Variants in MCUB observed in about 807,000 individuals in gnomAD.
The protein encoded by MCUB is mitochondrial calcium uniporter dominant negative subunit beta.
MCUB carries 46 observed loss-of-function variants against 41.4 expected under a neutral mutation model. That is an observed-to-expected ratio of 1.11 (90% confidence interval 0.88 to 1.42). MCUB has a LOEUF of 1.42. Among genes scored for constraint, MCUB ranks in the 40% most tolerant of loss-of-function variants. MCUB has a pLI of 0.00. For missense variants in MCUB, 403 were observed against 404.9 expected (o/e 1.00, Z 0.04); for synonymous variants, 148 against 148.2 (o/e 1.00, Z 0.01).
In MCUB at chr4:109,619,865, A is replaced by G. The variant is rs115203501; in HGVS notation, c.100-39146A>G. Among the ~76,000 whole-genome samples the G allele has an allele frequency of 1.2e-3, 181 of 152,320 alleles. 1 individual carries two copies. The highest frequency in any genetic ancestry group is 3.9e-3 in the African/African-American group (162 of 41,568). ...CTTTACACAAGCCTGCTCATCTTTA[A>G]TGCTGTGTCAGCCTTGTGAAGTAGG... On this transcript the variant is annotated intron_variant, in intron 1 of 7. Transcript: ENST00000394650.
intron 1 of MCUB, among the ~76,000 whole-genome samples, chr4:109,632,967 T>G (rs1728508223): frequency 6.6e-6 from 1 of 152,174 alleles, no homozygotes; most frequent in Non-Finnish European, 1.5e-5. Flanking sequence ...CAGGGTGGAA[T>G]GGCCAAGTGA....
rs138129272 is a variant in MCUB at position 109,606,906 on chromosome 4, C to T, written c.99+46470C>T. Among the ~76,000 whole-genome samples, 889 of 152,090 alleles carry T rather than the reference C, an allele frequency of 5.8e-3. 29 individuals are homozygous for T. In the South Asian group the frequency reaches 0.073, roughly 12 times the overall value. The stretch of plus-strand genomic sequence containing the variant: ...GGATTACAGGCACCTGCCACCACGC[C>T]CAGCTAATTTTTGTATTTTTAGTAG... On this transcript the variant is annotated intron_variant, in intron 1 of 7. Coordinates refer to ENST00000394650, the MANE Select transcript of MCUB (RefSeq NM_017918.5).
chr4:109,679,911 C>T (rs1296313476), intron 4 of MCUB, among the ~76,000 whole-genome samples: 1 of 152,110 alleles, frequency 6.6e-6, no homozygotes, highest in Non-Finnish European at 1.5e-5. Flanking sequence ...AAGCAATTCT[C>T]CTGCCTCAGC....
chr4:109,623,569 G>A (rs149528325), intron 1 of MCUB, among the ~76,000 whole-genome samples: 17 of 152,256 alleles, frequency 1.1e-4, no homozygotes, highest in African/African-American at 3.9e-4. Flanking sequence ...AAATAAAATA[G>A]GGTTGCTCTG....
At chr4:109,578,422 G>A (rs1024196537) in intron 1 of MCUB, among the ~76,000 whole-genome samples, 2 of 151,938 alleles carry the variant, frequency 1.3e-5, no homozygotes, top group Non-Finnish European at 2.9e-5. Flanking sequence ...GAAAGGTTAA[G>A]TAAATGTTTC....
intron 1 of MCUB, among the ~76,000 whole-genome samples, chr4:109,598,492 A>G (rs918560098): frequency 1.3e-5 from 2 of 151,988 alleles, no homozygotes; most frequent in East Asian, 1.9e-4. Flanking sequence ...GGCACTCGGC[A>G]GGCTGAGGCA....
intron 1 of MCUB, among the ~76,000 whole-genome samples, chr4:109,637,464 A>G (rs1728620610): frequency 6.6e-6 from 1 of 152,250 alleles, no homozygotes; most frequent in South Asian, 2.1e-4. Context: ...TTATTGCAGC[A>G]CAATTTGCAA....
At chr4:109,582,056 G>A (rs566717367) in intron 1 of MCUB, among the ~76,000 whole-genome samples, 233 of 152,216 alleles carry the variant, frequency 1.5e-3, no homozygotes, top group Non-Finnish European at 2.8e-3. Context: ...TATAAATCAT[G>A]CTGCTATAAA....
intron 1 of MCUB, among the ~76,000 whole-genome samples, chr4:109,626,501 A>ATT: frequency 6.7e-6 from 1 of 148,620 alleles, no homozygotes; most frequent in African/African-American, 2.5e-5. Flanking sequence ...GAGAATCAGG[A>ATT]TTTTTTTTTT....
intron 1 of MCUB, among the ~76,000 whole-genome samples, chr4:109,572,498 TA>T (rs1345980547): frequency 6.6e-6 from 1 of 152,214 alleles, no homozygotes; most frequent in Admixed American, 6.5e-5. Flanking sequence ...AAATATGTTC[TA>T]AAAACTGGAA....
intron 1 of MCUB, among the ~76,000 whole-genome samples, chr4:109,640,802 C>T (rs539723262): frequency 6.6e-6 from 1 of 152,216 alleles, no homozygotes; most frequent in African/African-American, 2.4e-5. Context: ...TTCGTGTGTT[C>T]ACTGGAGTAG....
At chr4:109,681,352 T>C (rs80089256) in intron 4 of MCUB, 130 of 353,282 alleles carry the variant, frequency 3.7e-4, no homozygotes, top group African/African-American at 2.5e-3. Flanking sequence ...CTAAAGTTTG[T>C]CTGTAGATTC....
intron 1 of MCUB, among the ~76,000 whole-genome samples, chr4:109,628,614 C>T (rs575367211): frequency 6.6e-6 from 1 of 152,218 alleles, no homozygotes; most frequent in East Asian, 1.9e-4. Flanking sequence ...TTGATAGCAC[C>T]AGCTGAGGGA....
intron 4 of MCUB, among the ~76,000 whole-genome samples, chr4:109,670,219 T>C (rs1459621285): frequency 6.6e-6 from 1 of 152,122 alleles, no homozygotes; most frequent in South Asian, 2.1e-4. Flanking sequence ...TCTCAGTCTT[T>C]TAGTGAGCCT....
chr4:109,560,346 GA>G lies in MCUB; in HGVS notation c.10del (p.Arg4GlyfsTer34). 3.8e-6 allele frequency: 5 copies of G among 1,302,174 alleles called. No homozygotes were observed. Among genetic ancestry groups the G allele is most frequent in the Non-Finnish European group, 4.9e-6 (5 of 1,025,988 alleles). 80.7% of individuals were successfully genotyped at this position (1,302,174 alleles called of 1,614,324 possible). The stretch of plus-strand genomic sequence containing the variant: ...GCGCCTGGGGCGGGAGGATGCTCCA[GA>G]GGGGCCTCTGGCCGTGGCGCACGCG... MLQRGLWPWRTRLL... is the reference protein window; with the variant it reads MLQXGLWPWRTRLL... On this transcript the variant is annotated frameshift_variant, in exon 1 of 8. Transcript: ENST00000394650. LOFTEE classifies it high-confidence loss of function.
intron 1 of MCUB, among the ~76,000 whole-genome samples, chr4:109,619,074 A>T (rs1012497146): frequency 6.7e-6 from 1 of 148,924 alleles, no homozygotes; most frequent in African/African-American, 2.5e-5. Context: ...CTACCTACCT[A>T]CCTATTTATT....
intron 4 of MCUB, among the ~76,000 whole-genome samples, chr4:109,666,657 T>A (rs1729351648): frequency 6.6e-6 from 1 of 152,206 alleles, no homozygotes; most frequent in South Asian, 2.1e-4. Context: ...TCTTTTGAGT[T>A]CTTTGTATGT....
At chr4:109,633,273 TTA>T (rs954102314) in intron 1 of MCUB, among the ~76,000 whole-genome samples, 24 of 151,464 alleles carry the variant, frequency 1.6e-4, no homozygotes, top group African/African-American at 5.9e-4. Flanking sequence ...TGAATTATTA[TTA>T]TTTTTTTTTT....
In MCUB at chr4:109,666,179, T is replaced by A. The variant is rs1036944516; in HGVS notation, c.451+1785T>A. On this transcript the variant is annotated intron_variant, in intron 4 of 7. Transcript: ENST00000394650. ...GCTGAATAATTGTTCATTATCTGTA[T>A]GTACCACAGTTTATTCACCTACTGA... Among the ~76,000 whole-genome samples the A allele has an allele frequency of 2.6e-5, 4 of 152,234 alleles. No individual in the cohort carries two copies. In the East Asian group the frequency reaches 5.8e-4, roughly 22 times the overall value.
Sources: gnomAD v4.1 joint callset for allele counts (sites outside exome capture counted in the v4.1 genomes callset) on GRCh38, gnomAD v4.1.1 for gene constraint, MANE v1.5 for transcripts, NCBI Gene and HGNC (gene_info 2026-07-23, HGNC 2026-07-21) for gene names.